AMELY: variants seen among roughly 807,000 people sequenced by gnomAD.
The protein encoded by AMELY is amelogenin Y-linked, also known as amelogenin, Y isoform.
Under a neutral mutation model 4.2 loss-of-function variants are expected in AMELY, and 4 were observed. That is an observed-to-expected ratio of 0.96 (90% CI 0.47 to 2.19). The LOEUF is 2.19. Ranked by LOEUF, AMELY falls within the 30% of genes most tolerant of loss-of-function variation. The pLI, the probability that AMELY is intolerant of heterozygous loss-of-function variation, is 0.02. For synonymous variants in AMELY, 11 were observed against 14.7 expected (o/e 0.75, Z 0.57); for missense variants, 32 against 41.5 (o/e 0.77, Z 0.63).
intron 1 of AMELY, among the ~76,000 whole-genome samples, chrY:6,891,757 G>A (rs773910223): frequency 3.9e-4 from 13 of 33,753 alleles, no homozygotes; most frequent in Admixed American, 3.5e-3. Context: ...CCCTAAAGAA[G>A]GCAGATGCCA....
intron 1 of AMELY, among the ~76,000 whole-genome samples, chrY:6,906,326 ATATG>A (rs2011662727): frequency 3.0e-5 from 1 of 33,676 alleles, no homozygotes; most frequent in Non-Finnish European, 7.3e-5. Flanking sequence ...CATACCATAT[ATATG>A]TATGTATACA....
chrY:6,878,120 C>G, intron 1 of AMELY, among the ~76,000 whole-genome samples: 2 of 32,602 alleles, frequency 6.1e-5, no homozygotes, highest in African/African-American at 2.4e-4. Context: ...TATGACATCA[C>G]CAAAGGACCA....
Position 6,874,052 on chromosome Y carries a change from A to G in AMELY, c.-93T>C. Reference sequence around the variant, plus strand: ...TAGATTTTCTTTAACTATGAGCTCAATTTATATCCTTCAAGGTATCTACAA... The same window carrying G: ...TAGATTTTCTTTAACTATGAGCTCAGTTTATATCCTTCAAGGTATCTACAA... On this transcript the variant is annotated 5_prime_UTR_variant, in exon 2 of 7. Transcript: ENST00000651267. The G allele has an allele frequency of 6.0e-5, 2 of 33,190 alleles. No individual in the cohort carries two copies. The highest frequency in any genetic ancestry group is 2.3e-4 in the African/African-American group (2 of 8,582). The allele number at this position is 33,190 out of a possible 400,897, so 8.3% of individuals were successfully genotyped here. A position where few individuals can be genotyped will look rare whatever the true frequency, so the allele number is the denominator to read the frequency against.
At chrY:6,867,881 T>C (rs2054063116) in intron 6 of AMELY, among the ~76,000 whole-genome samples, 156 bp downstream of exon 6, 1 of 33,965 alleles carries the variant, frequency 2.9e-5, no homozygotes, top group Non-Finnish European at 7.3e-5. Context: ...GTTTATAATG[T>C]AAAGATACAA....
chrY:6,868,250 G>A lies in AMELY; in HGVS notation c.360C>T (p.Leu120=), dbSNP rs1298962216. 2.5e-6 allele frequency: 1 copy of A among 398,343 alleles called. No individual in the cohort carries two copies. Among genetic ancestry groups the A allele is most frequent in the Non-Finnish European group, 3.5e-6 (1 of 283,582 alleles). The change falls in exon 6 of 7, where the codon CTC becomes CTT. Residue 120 remains leucine, a synonymous_variant. Transcript: ENST00000651267. The part of the protein sequence containing the change: ...MTPTQHHQPN[L]PLPAQQPFQP... ...GGAAGGGCTGCTGGGCAGGCAGAGGGAGGTTTGGCTGATGGTGTTGGGTTG... is the reference window on the plus strand; with the variant it reads ...GGAAGGGCTGCTGGGCAGGCAGAGGAAGGTTTGGCTGATGGTGTTGGGTTG...
intron 1 of AMELY, among the ~76,000 whole-genome samples, chrY:6,878,233 A>G (rs2054072889): frequency 3.0e-5 from 1 of 32,971 alleles, no homozygotes; most frequent in Non-Finnish European, 7.5e-5. Context: ...TTTCCCATGC[A>G]CAACCTTCAT....
chrY:6,892,525 A>G, intron 1 of AMELY, among the ~76,000 whole-genome samples: 1 of 33,310 alleles, frequency 3.0e-5, no homozygotes, highest in Non-Finnish European at 7.4e-5. Flanking sequence ...CCCTAAACCC[A>G]GCTCAGGCCA....
chrY:6,883,212 T>C (rs759581268), intron 1 of AMELY, among the ~76,000 whole-genome samples: 20 of 33,206 alleles, frequency 6.0e-4, no homozygotes, highest in African/African-American at 2.3e-3. Context: ...CCATCAATGA[T>C]AGACTAGATA....
chrY:6,866,821 T>C (rs2054062417), intron 6 of AMELY, among the ~76,000 whole-genome samples: 1 of 29,661 alleles, frequency 3.4e-5, no homozygotes, highest in Non-Finnish European at 7.9e-5. Flanking sequence ...CTTTTTTTTT[T>C]CCCTTCGTGT....
chrY:6,891,336 G>A (rs2054082804), intron 1 of AMELY, among the ~76,000 whole-genome samples: 1 of 33,693 alleles, frequency 3.0e-5, no homozygotes, highest in Non-Finnish European at 7.4e-5. Flanking sequence ...ACTCCCTGCT[G>A]TGTTCTGTTT....
chrY:6,911,396 C>T, intron 1 of AMELY, among the ~76,000 whole-genome samples: 1 of 34,499 alleles, frequency 2.9e-5, no homozygotes, highest in African/African-American at 1.1e-4. Context: ...TTTCACGCCC[C>T]GGTGGAGGGG....
At chrY:6,884,012 G>A (rs1603022234) in intron 1 of AMELY, among the ~76,000 whole-genome samples, 1 of 32,428 alleles carries the variant, frequency 3.1e-5, no homozygotes, top group Non-Finnish European at 7.5e-5. Flanking sequence ...CTTATACTAG[G>A]AAATTGTTCT....
intron 3 of AMELY, among the ~76,000 whole-genome samples, chrY:6,871,271 C>G (rs954015661): frequency 6.1e-5 from 2 of 32,938 alleles, no homozygotes; most frequent in African/African-American, 1.2e-4. Flanking sequence ...TATATGCAGG[C>G]TGCTTGGCAT....
intron 1 of AMELY, among the ~76,000 whole-genome samples, chrY:6,902,701 C>A: frequency 3.2e-5 from 1 of 30,908 alleles, no homozygotes; most frequent in Non-Finnish European, 7.8e-5. Flanking sequence ...CAGTCTCATG[C>A]CACTGTGCCC....
intron 1 of AMELY, among the ~76,000 whole-genome samples, chrY:6,893,685 C>G: frequency 3.0e-5 from 1 of 33,137 alleles, no homozygotes. Flanking sequence ...AGGAGCCAGA[C>G]TGGATGTGGG....
intron 4 of AMELY, among the ~76,000 whole-genome samples, chrY:6,869,724 TCATGGAACCTTC>T (rs2054066027): frequency 3.0e-5 from 1 of 33,359 alleles, no homozygotes; most frequent in Non-Finnish European, 7.3e-5. Context: ...TTTTGCCCTT[TCATGGAACCTTC>T]CTGAGCAGTG....
At chrY:6,910,863 C>G (rs1246030140) in intron 1 of AMELY, 21 of 39,748 alleles carry the variant, frequency 5.3e-4, no homozygotes, top group Non-Finnish European at 5.9e-5. Flanking sequence ...CGCGGCTGCT[C>G]CGGTGCGCCG....
intron 1 of AMELY, among the ~76,000 whole-genome samples, chrY:6,906,502 T>TG (rs2011663460): frequency 3.0e-4 from 10 of 33,444 alleles, no homozygotes; most frequent in African/African-American, 1.2e-3. Flanking sequence ...ACCTAACTAT[T>TG]GCCTAGGCAG....
At chrY:6,889,811 G>A in intron 1 of AMELY, among the ~76,000 whole-genome samples, 1 of 30,686 alleles carries the variant, frequency 3.3e-5, no homozygotes, top group African/African-American at 1.3e-4. Flanking sequence ...TGGAGTTATC[G>A]TTTGGCCAAA....
Sources: gnomAD v4.1 joint callset for allele counts (sites outside exome capture counted in the v4.1 genomes callset) on GRCh38, gnomAD v4.1.1 for gene constraint, MANE v1.5 for transcripts, NCBI Gene and HGNC (gene_info 2026-07-23, HGNC 2026-07-21) for gene names.